THSD7B: variants seen among roughly 807,000 people sequenced by gnomAD.
The protein encoded by THSD7B is thrombospondin type-1 domain-containing protein 7B.
A neutral mutation model predicts 213.6 loss-of-function variants in THSD7B; 138 were observed. The ratio of observed to expected loss-of-function variants is 0.65; its 90% confidence interval spans 0.56 to 0.74. The LOEUF is 0.74. THSD7B is among the 30% of genes least tolerant of loss of function. The pLI, the probability that THSD7B is intolerant of heterozygous loss-of-function variation, is 0.00. For synonymous variants in THSD7B, 742 were observed against 687.0 expected (o/e 1.08, Z -1.25); for missense variants, 1,931 against 1,991.5 (o/e 0.97, Z 0.58).
intron 5 of THSD7B, 79 bp from the exon 6 acceptor site, chr2:137,160,134 A>T: frequency 2.2e-6 from 3 of 1,392,628 alleles, no homozygotes; most frequent in Non-Finnish European, 2.9e-6. Context: ...TTTGCAAGAC[A>T]GGCATGCAAA....
intron 2 of THSD7B, among the ~76,000 whole-genome samples, chr2:137,053,786 T>G (rs1687111188): frequency 6.6e-6 from 1 of 152,142 alleles, no homozygotes; most frequent in Admixed American, 6.6e-5. Flanking sequence ...CAAATAGAGA[T>G]AAACTGACAG....
intron 21 of THSD7B, among the ~76,000 whole-genome samples, chr2:137,645,416 A>G (rs1683012296): frequency 1.3e-5 from 2 of 152,152 alleles, no homozygotes; most frequent in South Asian, 4.1e-4. Context: ...ACCTGGGTCT[A>G]TTTTCAGGCC....
At chr2:137,477,136 T>C (rs1688211793) in intron 15 of THSD7B, among the ~76,000 whole-genome samples, 1 of 152,230 alleles carries the variant, frequency 6.6e-6, no homozygotes, top group African/African-American at 2.4e-5. Context: ...TATTATTGTA[T>C]TGCAGTCTGT....
chr2:136,767,007 C>T (rs1451224368), intron 1 of THSD7B, among the ~76,000 whole-genome samples: 2 of 151,318 alleles, frequency 1.3e-5, no homozygotes, highest in Non-Finnish European at 2.9e-5. Flanking sequence ...TATACATGCG[C>T]GTGCGTGTGA....
intron 17 of THSD7B, among the ~76,000 whole-genome samples, chr2:137,594,441 A>C (rs1681920545): frequency 6.6e-6 from 1 of 152,012 alleles, no homozygotes; most frequent in Non-Finnish European, 1.5e-5. Flanking sequence ...TGTGGCACCA[A>C]TGTTATCTGC....
At chr2:137,555,149 C>T (rs779160189) in intron 15 of THSD7B, among the ~76,000 whole-genome samples, 4 of 152,190 alleles carry the variant, frequency 2.6e-5, no homozygotes, top group Non-Finnish European at 4.4e-5. Flanking sequence ...GCAACAGAAA[C>T]CTCTGCAGAC....
chr2:137,580,772 G>C (rs1681557003), intron 17 of THSD7B, among the ~76,000 whole-genome samples: 1 of 152,152 alleles, frequency 6.6e-6, no homozygotes, highest in South Asian at 2.1e-4. Flanking sequence ...TGAAGTGAGA[G>C]CAGGCAGGTC....
At chr2:137,508,861 G>A (rs1679898969) in intron 15 of THSD7B, among the ~76,000 whole-genome samples, 1 of 152,104 alleles carries the variant, frequency 6.6e-6, no homozygotes, top group Non-Finnish European at 1.5e-5. Flanking sequence ...GGTCAGAGGA[G>A]AGACCTGAGC....
intron 7 of THSD7B, among the ~76,000 whole-genome samples, chr2:137,183,689 A>G (rs1680498974): frequency 6.6e-6 from 1 of 152,102 alleles, no homozygotes; most frequent in African/African-American, 2.4e-5. Context: ...CTCTGATAGT[A>G]ACATGAGCCA....
intron 26 of THSD7B, among the ~76,000 whole-genome samples, chr2:137,666,843 A>T: frequency 6.6e-6 from 1 of 152,312 alleles, no homozygotes; most frequent in East Asian, 1.9e-4. Flanking sequence ...TATCTTATAT[A>T]GAATAAAAGT....
At chr2:137,257,998 G>C (rs901587170) in intron 10 of THSD7B, among the ~76,000 whole-genome samples, 4 of 152,134 alleles carry the variant, frequency 2.6e-5, no homozygotes, top group Non-Finnish European at 5.9e-5. Flanking sequence ...GTTCTTATGA[G>C]GATTGAGTGA....
At chr2:137,570,028 A>G (rs1681322343) in intron 16 of THSD7B, among the ~76,000 whole-genome samples, 1 of 151,740 alleles carries the variant, frequency 6.6e-6, no homozygotes. Context: ...TTTGTCCAGG[A>G]AAGGACATTT....
chr2:137,335,492 G>A (rs980751733), intron 12 of THSD7B, among the ~76,000 whole-genome samples: 1 of 152,158 alleles, frequency 6.6e-6, no homozygotes, highest in Non-Finnish European at 1.5e-5. Context: ...CCTCTTGGAA[G>A]TAGTTTTTTT....
intron 2 of THSD7B, among the ~76,000 whole-genome samples, chr2:137,003,193 A>G (rs915917466): frequency 1.3e-5 from 2 of 152,194 alleles, no homozygotes; most frequent in African/African-American, 4.8e-5. Flanking sequence ...AAGGCCACAC[A>G]TGGCTTTTAA....
chr2:136,917,692 T>G (rs1684371549), intron 2 of THSD7B, among the ~76,000 whole-genome samples: 1 of 152,188 alleles, frequency 6.6e-6, no homozygotes, highest in South Asian at 2.1e-4. Context: ...TTATTTAAGG[T>G]GCAGAGTCTA....
At position 136,882,178 on chromosome 2, in the gene THSD7B, C is replaced by A; in HGVS notation, c.-1C>A. ...AGTCAAGAGGCTGAAAAATCTGAAG[C>A]ATGTTTCCAAAGAGCAACCTAACAG... On this transcript the variant is annotated 5_prime_UTR_variant, in exon 2 of 28. Coordinates refer to ENST00000409968, the MANE Select transcript of THSD7B (RefSeq NM_001316349.2). The A allele has an allele frequency of 6.7e-7, 1 of 1,498,964 alleles. No homozygotes were observed. The highest frequency in any genetic ancestry group is 8.9e-7 in the Non-Finnish European group (1 of 1,124,712). 92.9% of individuals were successfully genotyped at this position (1,498,964 alleles called of 1,614,324 possible). A position where few individuals can be genotyped will look rare whatever the true frequency, so the allele number is the denominator to read the frequency against.
chr2:137,145,685 C>T (rs1450232638), intron 5 of THSD7B, among the ~76,000 whole-genome samples: 1 of 151,942 alleles, frequency 6.6e-6, no homozygotes, highest in Non-Finnish European at 1.5e-5. Flanking sequence ...TTTGTTAGAG[C>T]ATCTCAATTA....
rs745586016 is a variant in THSD7B, at chr2:136,873,333, G to A, written c.-35-8811G>A. Reference sequence around the variant, plus strand: ...ATGCCACATTCTTACATTTCACACCGTTTAGGATTCTTCAGTTACCTGCAG... The same window carrying A: ...ATGCCACATTCTTACATTTCACACCATTTAGGATTCTTCAGTTACCTGCAG... On this transcript the variant is annotated intron_variant, in intron 1 of 27. Coordinates refer to ENST00000409968, the MANE Select transcript of THSD7B (RefSeq NM_001316349.2). Among the ~76,000 whole-genome samples the A allele has an allele frequency of 7.2e-5, 11 of 152,090 alleles. 1 individual carries two copies. The highest frequency in any genetic ancestry group is 2.1e-4 in the South Asian group (1 of 4,832).
At chr2:136,990,345 A>G (rs963951387) in intron 2 of THSD7B, among the ~76,000 whole-genome samples, 1 of 152,258 alleles carries the variant, frequency 6.6e-6, no homozygotes, top group Non-Finnish European at 1.5e-5. Context: ...CTGAGCTGAT[A>G]GAACAAGCTG....
Sources: allele counts gnomAD v4.1 joint callset (sites outside exome capture counted in the v4.1 genomes callset), GRCh38; gene constraint gnomAD v4.1.1; transcripts MANE v1.5; gene names NCBI Gene and HGNC (gene_info 2026-07-23, HGNC 2026-07-21).